SLC49A3: variants seen among roughly 807,000 people sequenced by gnomAD.
SLC49A3 encodes solute carrier family 49 member A3.
SLC49A3 carries 50 observed loss-of-function variants against 43.8 expected under a neutral mutation model. That is an observed-to-expected ratio of 1.14 (90% CI 0.91 to 1.45). The LOEUF (loss-of-function observed/expected upper bound fraction) is 1.45, where lower values mean the gene tolerates loss of function less well. SLC49A3 is among the 40% of genes most tolerant of loss of function. The pLI, the probability that SLC49A3 is intolerant of heterozygous loss-of-function variation, is 0.00. For missense variants in SLC49A3, 906 were observed against 774.1 expected (o/e 1.17, Z -2.02); for synonymous variants, 413 against 352.0 (o/e 1.17, Z -1.94).
Position 685,543 on chromosome 4 carries a change from CA to C in SLC49A3, c.585+291del, listed in dbSNP as rs933844385. ...TGAAACCCCAACTCTACCAAAAATA[CA>C]AAAAAAAAAAAATTAGCCAAGCATG... is the stretch of plus-strand genomic sequence containing the variant. On this transcript the variant is annotated intron_variant, in intron 4 of 9. Transcript: ENST00000322224. The surrounding 1 kb of genome is among the most constrained non-coding windows in gnomAD (Gnocchi z 4.3). Among the ~76,000 whole-genome samples, 212 of 141,078 alleles carry C rather than the reference CA, an allele frequency of 1.5e-3. No homozygotes were observed. The highest frequency in any genetic ancestry group is 1.3e-3 in the Non-Finnish European group (84 of 64,254). The allele number at this position is 141,078 out of a possible 152,430, so 92.6% of individuals were successfully genotyped here. A position where few individuals can be genotyped will look rare whatever the true frequency, so the allele number is the denominator to read the frequency against.
At chr4:683,908 C>A in intron 6 of SLC49A3, 147 bp from the exon 7 acceptor site, 2 of 1,096,124 alleles carry the variant, frequency 1.8e-6, no homozygotes, top group African/African-American at 1.6e-5. Flanking sequence ...CCGCTGGCTG[C>A]CTGCGGGGTA....
At chr4:678,554 C>T, downstream of SLC49A3, 1 of 1,488,650 alleles carries the variant, frequency 6.7e-7, no homozygotes, top group Non-Finnish European at 8.9e-7. Context: ...GCCCGAAGGG[C>T]TGAGGTCCAC....
At chr4:680,078 G>A, downstream of SLC49A3, 1 of 1,375,496 alleles carries the variant, frequency 7.3e-7, no homozygotes, top group Non-Finnish European at 1.0e-6. Context: ...TAGAGATCCG[G>A]ACATTTCACG....
downstream of SLC49A3, chr4:681,141 G>A (rs763083371): frequency 7.5e-6 from 12 of 1,604,618 alleles, no homozygotes; most frequent in Non-Finnish European, 1.0e-5. Context: ...GGCGGAAGAG[G>A]TCTGGCCCGC....
downstream of SLC49A3, chr4:679,945 C>T (rs376391114): frequency 7.6e-5 from 123 of 1,613,680 alleles, no homozygotes; most frequent in South Asian, 9.9e-5. Flanking sequence ...ACGAGCTGGA[C>T]GCCATGCTCA....
downstream of SLC49A3, chr4:681,783 C>T (rs1316845474): frequency 1.6e-6 from 2 of 1,229,280 alleles, no homozygotes; most frequent in Non-Finnish European, 2.0e-6. Context: ...ACCCGGGCCC[C>T]TCCCCGCTCC....
At chr4:678,760 A>G (rs1220283475), downstream of SLC49A3, 9 of 1,610,190 alleles carry the variant, frequency 5.6e-6, no homozygotes, top group Non-Finnish European at 7.6e-6. Flanking sequence ...CCAGGAGTTC[A>G]AGGAGGTGAG....
At position 682,216 on chromosome 4, in the gene SLC49A3, C is replaced by G; in HGVS notation, c.1422G>C (p.Gly474=). 17 of 1,378,810 alleles carry G rather than the reference C, an allele frequency of 1.2e-5. No individual in the cohort carries two copies. Among genetic ancestry groups the G allele is most frequent in the Non-Finnish European group, 1.6e-5 (17 of 1,055,388 alleles). The allele number at this position is 1,378,810 out of a possible 1,614,324, so 85.4% of individuals were successfully genotyped here. A position where few individuals can be genotyped will look rare whatever the true frequency, so the allele number is the denominator to read the frequency against. The part of the protein sequence containing the change: ...GADSGPGVDR[G]GAGRAGVLGP... The stretch of plus-strand genomic sequence containing the variant: ...CCAGGACCCCAGCCCTTCCTGCTCC[C>G]CCTCGGTCCACACCCGGCCCTGAGT... Residue 474 remains glycine, a synonymous_variant, in exon 10 of 10, where the codon GGG becomes GGC. Coordinates refer to ENST00000322224, the MANE Select transcript of SLC49A3 (RefSeq NM_032219.4).
chr4:678,799 C>G, downstream of SLC49A3: 1 of 1,607,884 alleles, frequency 6.2e-7, no homozygotes, highest in Non-Finnish European at 8.5e-7. Flanking sequence ...GAGCCCCCAC[C>G]CCCAGGAGCC....
chr4:680,644 C>A, downstream of SLC49A3: 2 of 1,562,700 alleles, frequency 1.3e-6, no homozygotes, highest in Non-Finnish European at 1.8e-6. Flanking sequence ...GTGATCTCAT[C>A]CTGTCCCAAA....
chr4:689,827 T>A (rs145160799), upstream of SLC49A3, among the ~76,000 whole-genome samples: 184 of 152,296 alleles, frequency 1.2e-3, no homozygotes, highest in African/African-American at 4.4e-3. Context: ...GAGGCCTGTG[T>A]GTTGGAAGGC....
At position 686,661 on chromosome 4, in the gene SLC49A3, G is replaced by A. The variant is rs201753792; in HGVS notation, c.165C>T (p.Asp55=). 4.7e-5 allele frequency: 76 copies of A among 1,613,092 alleles called. 1 individual carries two copies. Among genetic ancestry groups the A allele is most frequent in the Admixed American group, 3.7e-4 (22 of 60,020 alleles). The change falls in exon 2 of 10, where the codon GAC becomes GAT. Residue 55 remains aspartate (D), a synonymous_variant. Transcript: ENST00000322224. ...ACAGGACCAAGTCCTCAGCAATGAC[G>A]TCAGCCACAGGTGCAAAGCTGAGCC... ...TLWLSFAPVA[D]VIAEDLVLSM...
At chr4:679,187 C>A (rs1415129547), downstream of SLC49A3, 1 of 793,098 alleles carries the variant, frequency 1.3e-6, no homozygotes, top group African/African-American at 1.7e-5. Flanking sequence ...ATGGCCCTGG[C>A]CGCCCTTGGT....
downstream of SLC49A3, chr4:678,870 C>T (rs999484692): frequency 3.4e-5 from 55 of 1,608,614 alleles, 1 homozygote; most frequent in Admixed American, 5.9e-4. Context: ...AGCCTATCCT[C>T]AGTCAGGGGT....
chr4:680,611 G>C (rs377113361), downstream of SLC49A3: 1 of 1,608,088 alleles, frequency 6.2e-7, no homozygotes. Flanking sequence ...CGGCCAGGGC[G>C]GCCCGGCTTC....
In SLC49A3 at chr4:686,309, G is replaced by A. The variant is rs1741016681; in HGVS notation, c.295-7C>T. On this transcript the variant is annotated splice_polypyrimidine_tract_variant and splice_region_variant and intron_variant, in intron 2 of 9. Coordinates refer to ENST00000322224, the MANE Select transcript of SLC49A3 (RefSeq NM_032219.4). ...GCCACGCACCCAGGATGGTCTGCGA[G>A]GAGGGGGTCGGGGACCGGGTCAGGA... 3 of 1,612,720 alleles carry A rather than the reference G, an allele frequency of 1.9e-6. No individual in the cohort carries two copies. Among genetic ancestry groups the A allele is most frequent in the Non-Finnish European group, 2.5e-6 (3 of 1,179,828 alleles).
At chr4:680,999 G>C (rs568509248), downstream of SLC49A3, 8 of 1,417,158 alleles carry the variant, frequency 5.6e-6, no homozygotes, top group African/African-American at 1.4e-5. Flanking sequence ...CAGTGAGCGA[G>C]TACAACCTGG....
chr4:681,143 C>G (rs1247755844), downstream of SLC49A3: 6 of 1,603,928 alleles, frequency 3.7e-6, no homozygotes, highest in African/African-American at 5.3e-5. Flanking sequence ...CGGAAGAGGT[C>G]TGGCCCGCGG....
At chr4:680,736 C>A, downstream of SLC49A3, 1 of 811,570 alleles carries the variant, frequency 1.2e-6, no homozygotes, top group Non-Finnish European at 1.9e-6. Context: ...ACCCAGGATC[C>A]CAGCTGAGTG....
Sources: allele counts gnomAD v4.1 joint callset (sites outside exome capture counted in the v4.1 genomes callset), GRCh38; gene constraint gnomAD v4.1.1; non-coding constraint Gnocchi (gnomAD v3.1); transcripts MANE v1.5; gene names NCBI Gene and HGNC (gene_info 2026-07-23, HGNC 2026-07-21).